Variants in BACH1 observed in about 807,000 individuals in gnomAD.
The protein encoded by BACH1 is transcription regulator protein BACH1.
Under a neutral mutation model 52.9 loss-of-function variants are expected in BACH1, and 35 were observed. That is an observed-to-expected ratio of 0.66 (90% CI 0.51 to 0.88). BACH1 has a LOEUF of 0.88. BACH1 is among the 40% of genes least tolerant of loss of function. The probability of loss-of-function intolerance (pLI) is 0.00; values close to 1 mark genes in which losing one functional copy is unlikely to be tolerated. For synonymous variants in BACH1, 321 were observed against 319.6 expected, an observed-to-expected ratio of 1.00 and a Z score of -0.05; for missense variants, 808 against 872.6, an observed-to-expected ratio of 0.93 and a Z score of 0.93.
intron 2 of BACH1, among the ~76,000 whole-genome samples, chr21:29,325,160 G>A (rs1033130998): frequency 6.6e-6 from 1 of 152,114 alleles, no homozygotes; most frequent in African/African-American, 2.4e-5. Context: ...AACCCGAGAG[G>A]CGGAGCTTGC....
chr21:29,346,946 G>A (rs920088175), downstream of BACH1, among the ~76,000 whole-genome samples: 2 of 152,140 alleles, frequency 1.3e-5, no homozygotes, highest in African/African-American at 4.8e-5. Flanking sequence ...ACAGTGAGAG[G>A]GAGAAGGAGG....
At chr21:29,305,529 G>A (rs2081485918) in intron 1 of BACH1, among the ~76,000 whole-genome samples, 1 of 152,100 alleles carries the variant, frequency 6.6e-6, no homozygotes, top group Non-Finnish European at 1.5e-5. Flanking sequence ...TGGCAACAGT[G>A]GTCACAAATA....
intron 3 of BACH1, among the ~76,000 whole-genome samples, chr21:29,327,714 G>T (rs1326186962): frequency 1.3e-5 from 2 of 152,166 alleles, no homozygotes; most frequent in Non-Finnish European, 2.9e-5. Context: ...CCAGCTACTC[G>T]AGAGGCTGAG....
At chr21:29,352,051 A>C (rs889905468) in intron 2 of BACH1, among the ~76,000 whole-genome samples, 13 of 151,232 alleles carry the variant, frequency 8.6e-5, no homozygotes, top group Non-Finnish European at 1.9e-4. Context: ...AGACAGACCT[A>C]GTTTTCTTTT....
chr21:29,309,498 G>C (rs1210616627), intron 1 of BACH1, among the ~76,000 whole-genome samples: 2 of 152,158 alleles, frequency 1.3e-5, no homozygotes, highest in South Asian at 2.1e-4. Flanking sequence ...CCTGGGAGCA[G>C]AGACTTTTTC....
downstream of BACH1, among the ~76,000 whole-genome samples, chr21:29,347,264 CTT>C (rs2089174901): frequency 6.6e-6 from 1 of 152,194 alleles, no homozygotes; most frequent in South Asian, 2.1e-4. Context: ...ATTAGGCAGA[CTT>C]AATCCATCCA....
downstream of BACH1, among the ~76,000 whole-genome samples, chr21:29,346,727 G>A (rs1325753063): frequency 6.6e-6 from 1 of 152,216 alleles, no homozygotes; most frequent in Non-Finnish European, 1.5e-5. Flanking sequence ...CTAGACCAAC[G>A]ATGGAATCAA....
rs1205634088 is a variant in BACH1, at chr21:29,326,855, C to G, written c.1031C>G (p.Thr344Arg). The G allele has an allele frequency of 6.2e-7, 1 of 1,614,050 alleles. No individual in the cohort carries two copies. The change falls in exon 3 of 5, where the codon ACA becomes AGA. Residue 344 changes from threonine (T) to arginine (R), a missense_variant. Transcript: ENST00000286800. ...AATTTTGCTGGTATGCAAAACACAA[C>G]AGTGTTAACAGAAAAGCCTTTGTCA... The part of the protein sequence containing the change: ...DLNFAGMQNT[T>R]VLTEKPLSGT...
Position 29,342,646 on chromosome 21 carries a change from G to C in BACH1, c.2024G>C (p.Arg675Pro). 6.2e-7 allele frequency: 1 copy of C among 1,614,074 alleles called. No homozygotes were observed. Among genetic ancestry groups the C allele is most frequent in the Non-Finnish European group, 8.5e-7 (1 of 1,180,034 alleles). The change falls in exon 5 of 5, where the codon CGG (arginine) becomes CCG (proline). Residue 675 changes from arginine (R) to proline (P), a missense_variant. Coordinates refer to ENST00000286800, the MANE Select transcript of BACH1 (RefSeq NM_001186.4). Reference sequence around the variant, plus strand: ...CCATCAATTTTCAGTTTATCTGACCGGCCTCCAGCAGTGCTGCCTCCCTGT... The same window carrying C: ...CCATCAATTTTCAGTTTATCTGACCCGCCTCCAGCAGTGCTGCCTCCCTGT... ...ALPSIFSLSD[R>P]PPAVLPPCAR... is the part of the protein sequence containing the mutation.
chr21:29,325,164 A>G (rs2088895711), intron 2 of BACH1, among the ~76,000 whole-genome samples: 1 of 152,080 alleles, frequency 6.6e-6, no homozygotes, highest in African/African-American at 2.4e-5. Flanking sequence ...CGAGAGGCGG[A>G]GCTTGCAGTG....
chr21:29,305,626 A>G (rs557358419), intron 1 of BACH1, among the ~76,000 whole-genome samples: 1 of 152,276 alleles, frequency 6.6e-6, no homozygotes, highest in East Asian at 1.9e-4. Flanking sequence ...TTGTTGAATT[A>G]GCTTGGAACA....
chr21:29,361,508 G>A (rs1326433359), intron 2 of BACH1: 1 of 151,944 alleles, frequency 6.6e-6, no homozygotes, highest in African/African-American at 2.4e-5. Context: ...TAGTAGTTGT[G>A]GCTTTGCAGA....
intron 1 of BACH1, among the ~76,000 whole-genome samples, chr21:29,309,809 C>T (rs2088699659): frequency 6.6e-6 from 1 of 152,142 alleles, no homozygotes; most frequent in Non-Finnish European, 1.5e-5. Context: ...TTAAAATAAC[C>T]TAAAACTTGA....
At chr21:29,319,105 G>A (rs975949918) in intron 1 of BACH1, among the ~76,000 whole-genome samples, 1 of 152,178 alleles carries the variant, frequency 6.6e-6, no homozygotes, top group African/African-American at 2.4e-5. Context: ...AGCATCACAG[G>A]GCTGTTTTGA....
chr21:29,357,298 C>T (rs554585083), intron 2 of BACH1, among the ~76,000 whole-genome samples: 35 of 152,226 alleles, frequency 2.3e-4, no homozygotes, highest in African/African-American at 6.7e-4. Context: ...GAACTTCCGT[C>T]GGTATATAGG....
At chr21:29,335,608 A>G (rs1324133229) in intron 4 of BACH1, among the ~76,000 whole-genome samples, 1 of 152,234 alleles carries the variant, frequency 6.6e-6, no homozygotes, top group East Asian at 1.9e-4. Context: ...ACCATAAGCA[A>G]CCATATACTC....
chr21:29,345,542 T>G lies in BACH1; in HGVS notation c.*2709T>G, dbSNP rs1332091047. Reference sequence around the variant, plus strand: ...AAATTCTGGAACTATAGCAAATAATTCGTTAAATTGTCATATTCAAAACAA... The same window carrying G: ...AAATTCTGGAACTATAGCAAATAATGCGTTAAATTGTCATATTCAAAACAA... On this transcript the variant is annotated 3_prime_UTR_variant, in exon 5 of 5. Transcript: ENST00000286800. The G allele has an allele frequency of 1.3e-5, 2 of 152,400 alleles. No homozygotes were observed. Among genetic ancestry groups the G allele is most frequent in the Non-Finnish European group, 2.9e-5 (2 of 68,022 alleles). The allele number at this position is 152,400 out of a possible 1,614,324, so 9.4% of individuals were successfully genotyped here.
intron 1 of BACH1, among the ~76,000 whole-genome samples, 183 bp from the exon 2 acceptor site, chr21:29,321,038 A>T (rs561920729): frequency 7.9e-5 from 12 of 152,342 alleles, no homozygotes; most frequent in Non-Finnish European, 1.5e-4. Flanking sequence ...AAAATTAGTT[A>T]GAAAAACTGC....
intron 2 of BACH1, among the ~76,000 whole-genome samples, chr21:29,354,023 G>A (rs12626245): frequency 0.031 from 4,794 of 152,274 alleles, 213 homozygotes; most frequent in African/African-American, 0.1. Context: ...TTACCCTCAG[G>A]TACAGAAGCT....
Sources: allele counts gnomAD v4.1 joint callset (sites outside exome capture counted in the v4.1 genomes callset), GRCh38; gene constraint gnomAD v4.1.1; transcripts MANE v1.5; gene names NCBI Gene and HGNC (gene_info 2026-07-23, HGNC 2026-07-21).